PCDH9: variants seen among roughly 807,000 people sequenced by gnomAD.
The protein encoded by PCDH9 is protocadherin-9.
A neutral mutation model predicts 70.6 loss-of-function variants in PCDH9; 24 were observed. The ratio of observed to expected loss-of-function variants is 0.34; its 90% CI spans 0.25 to 0.48. The LOEUF is 0.48. Ranked by LOEUF, PCDH9 falls within the 20% of genes least tolerant of loss-of-function variation. The pLI is 0.99. For synonymous variants in PCDH9, 562 were observed against 558.5 expected (o/e 1.01, Z -0.09); for missense variants, 1,281 against 1,503.6 (o/e 0.85, Z 2.45).
chr13:67,004,984 A>C (rs2084322281), intron 2 of PCDH9, among the ~76,000 whole-genome samples: 1 of 152,044 alleles, frequency 6.6e-6, no homozygotes, highest in Admixed American at 6.6e-5. Context: ...TCCTTTCCAA[A>C]TTATTTTTGG....
At chr13:67,106,111 G>A (rs891233842) in intron 2 of PCDH9, among the ~76,000 whole-genome samples, 1 of 151,884 alleles carries the variant, frequency 6.6e-6, no homozygotes, top group Non-Finnish European at 1.5e-5. Flanking sequence ...TAGAATTAAG[G>A]GACATTAAGT....
intron 3 of PCDH9, among the ~76,000 whole-genome samples, chr13:66,888,680 C>A (rs1025526083): frequency 3.3e-5 from 5 of 151,728 alleles, no homozygotes; most frequent in Admixed American, 6.6e-5. Flanking sequence ...AGGCAAAGGG[C>A]AGAAAAGGCA....
chr13:66,309,548 T>C (rs984179932), intron 4 of PCDH9, among the ~76,000 whole-genome samples: 1 of 151,994 alleles, frequency 6.6e-6, no homozygotes, highest in Non-Finnish European at 1.5e-5. Flanking sequence ...TATGATTGAA[T>C]ATAATCTATA....
At chr13:66,922,584 C>G (rs1263105601) in intron 2 of PCDH9, among the ~76,000 whole-genome samples, 3 of 151,424 alleles carry the variant, frequency 2.0e-5, no homozygotes, top group Admixed American at 6.6e-5. Flanking sequence ...CCTCCCTGGG[C>G]TTTTGGCTTG....
intron 4 of PCDH9, among the ~76,000 whole-genome samples, chr13:66,512,024 T>A (rs1347822933): frequency 6.6e-6 from 1 of 152,162 alleles, no homozygotes; most frequent in Admixed American, 6.6e-5. Context: ...TTGTAAAAAA[T>A]TTAGAGATAG....
chr13:66,473,516 C>T (rs902384208), intron 4 of PCDH9, among the ~76,000 whole-genome samples: 1 of 151,874 alleles, frequency 6.6e-6, no homozygotes, highest in Non-Finnish European at 1.5e-5. Flanking sequence ...ATGTATATCT[C>T]TATTAAAATT....
At chr13:67,013,425 T>C (rs1208841764) in intron 2 of PCDH9, among the ~76,000 whole-genome samples, 4 of 152,028 alleles carry the variant, frequency 2.6e-5, no homozygotes, top group Non-Finnish European at 5.9e-5. Context: ...CATGATTTCA[T>C]CTTCTGGATG....
intron 4 of PCDH9, among the ~76,000 whole-genome samples, chr13:66,569,694 A>G (rs1163808473): frequency 1.3e-5 from 2 of 152,134 alleles, no homozygotes; most frequent in Admixed American, 1.3e-4. Context: ...GAATATTCAG[A>G]GCATTTATAG....
chr13:66,345,478 G>A (rs528973487), intron 4 of PCDH9, among the ~76,000 whole-genome samples: 2 of 152,184 alleles, frequency 1.3e-5, no homozygotes, highest in Non-Finnish European at 2.9e-5. Flanking sequence ...AGCTATCAAA[G>A]GCATTTCCAC....
intron 3 of PCDH9, among the ~76,000 whole-genome samples, chr13:66,706,262 A>G (rs555217380): frequency 1.7e-4 from 26 of 152,208 alleles, no homozygotes; most frequent in African/African-American, 6.3e-4. Context: ...GTTATGTTGG[A>G]TGATAGGAAT....
chr13:67,017,666 T>C (rs1013767425), intron 2 of PCDH9, among the ~76,000 whole-genome samples: 1 of 152,194 alleles, frequency 6.6e-6, no homozygotes. Flanking sequence ...ATATCCCAAA[T>C]GTAATATGCA....
intron 3 of PCDH9, among the ~76,000 whole-genome samples, chr13:66,708,648 C>T (rs1217565938): frequency 6.6e-6 from 1 of 152,090 alleles, no homozygotes; most frequent in Non-Finnish European, 1.5e-5. Context: ...TTTTTCATAT[C>T]AGAAACACGC....
chr13:66,707,570 A>C (rs921009481), intron 3 of PCDH9, among the ~76,000 whole-genome samples: 1 of 152,228 alleles, frequency 6.6e-6, no homozygotes, highest in African/African-American at 2.4e-5. Flanking sequence ...GCTTCTGCTC[A>C]ACTGGGATAA....
At chr13:66,876,517 T>C (rs2081814123) in intron 3 of PCDH9, among the ~76,000 whole-genome samples, 1 of 152,172 alleles carries the variant, frequency 6.6e-6, no homozygotes, top group Non-Finnish European at 1.5e-5. Flanking sequence ...ACTTATGTTT[T>C]AGTAGAATGA....
chr13:67,045,581 G>A (rs1296368840), intron 2 of PCDH9, among the ~76,000 whole-genome samples: 1 of 151,814 alleles, frequency 6.6e-6, no homozygotes, highest in Non-Finnish European at 1.5e-5. Flanking sequence ...AAACAGAAAA[G>A]GCTATTCTGT....
chr13:66,719,142 CA>C lies in PCDH9; in HGVS notation c.3139-87732del, dbSNP rs1222552982. ...GTCGAAGATGTGGTTTAATAGATTG[CA>C]ATTTGGTCCTGGAGATAGCCGTAGC... On this transcript the variant is annotated intron_variant, in intron 3 of 4. Transcript: ENST00000377865. Among the ~76,000 whole-genome samples the C allele has an allele frequency of 3.3e-5, 5 of 152,160 alleles. No homozygotes were observed. In the East Asian group the frequency reaches 5.8e-4, roughly 18 times the overall value.
intron 2 of PCDH9, among the ~76,000 whole-genome samples, chr13:67,154,629 C>G (rs1337443434): frequency 7.0e-6 from 1 of 142,282 alleles, no homozygotes; most frequent in Non-Finnish European, 1.5e-5. Flanking sequence ...CACACACACA[C>G]ACACACACAC....
At chr13:67,134,940 G>T (rs143408591) in intron 2 of PCDH9, among the ~76,000 whole-genome samples, 21 of 152,216 alleles carry the variant, frequency 1.4e-4, no homozygotes, top group African/African-American at 4.8e-4. Context: ...TAAAGGAGCT[G>T]TATGTAGTTA....
chr13:67,047,722 C>T (rs1158352079), intron 2 of PCDH9, among the ~76,000 whole-genome samples: 2 of 152,118 alleles, frequency 1.3e-5, no homozygotes, highest in African/African-American at 2.4e-5. Flanking sequence ...AACAGCATGC[C>T]TCCAAGTTCT....
Sources: allele counts gnomAD v4.1 joint callset (sites outside exome capture counted in the v4.1 genomes callset), GRCh38; gene constraint gnomAD v4.1.1; transcripts MANE v1.5; gene names NCBI Gene and HGNC (gene_info 2026-07-23, HGNC 2026-07-21).